The following DERA variants were observed in gnomAD, a reference collection of about 807,000 sequenced individuals.
DERA encodes deoxyribose-phosphate aldolase, also known as 2-deoxy-D-ribose 5-phosphate aldolase.
Under a neutral mutation model 41.1 loss-of-function variants are expected in DERA, and 15 were observed. The observed-to-expected ratio is 0.37, with a 90% CI of 0.24 to 0.56. The LOEUF (loss-of-function observed/expected upper bound fraction) is 0.56. Among genes scored for constraint, DERA ranks in the 20% least tolerant of loss-of-function variants. The probability of loss-of-function intolerance (pLI) is 0.81; values close to 1 mark genes in which losing one functional copy is unlikely to be tolerated. For synonymous variants in DERA, 139 were observed against 137.4 expected (o/e 1.01, Z -0.08); for missense variants, 396 against 403.4 (o/e 0.98, Z 0.16).
chr12:15,965,634 G>C lies in DERA; in HGVS notation c.508+2687G>C, dbSNP rs941029746. 6.6e-6 allele frequency among the ~76,000 whole-genome samples: 1 copy of C among 152,066 alleles called. No homozygotes were observed. Among genetic ancestry groups the C allele is most frequent in the Non-Finnish European group, 1.5e-5 (1 of 68,022 alleles). On this transcript the variant is annotated intron_variant, in intron 5 of 8. Transcript: ENST00000428559. This position sits in a 1 kb window ranked among gnomAD's most constrained non-coding sequence, Gnocchi z 4.1. Reference sequence around the variant, plus strand: ...AGACTGGAGTTTGGGGGTGGGGGAGGTTTGATATTCCTCTCTGGGTTCTCC... The same window carrying C: ...AGACTGGAGTTTGGGGGTGGGGGAGCTTTGATATTCCTCTCTGGGTTCTCC...
chr12:15,962,916 C>G lies in DERA; in HGVS notation c.477C>G (p.Asn159Lys). Residue 159 changes from asparagine to lysine, a missense_variant, in exon 5 of 9, where the codon AAC (asparagine) becomes AAG (lysine). Transcript: ENST00000428559. ...DGATEIDVVI[N>K]RSLVLTGQWE... ...CTACAGAAATCGACGTGGTAATTAA[C>G]AGAAGCTTGGTGCTGACAGGCCAGT... is the stretch of plus-strand genomic sequence containing the variant. 2 of 1,604,678 alleles carry G rather than the reference C, an allele frequency of 1.2e-6. No individual in the cohort carries two copies. The highest frequency in any genetic ancestry group is 1.7e-6 in the Non-Finnish European group (2 of 1,175,544).
chr12:16,032,499 A>G, intron 6 of DERA, 43 bp from the exon 7 acceptor site: 3 of 1,147,290 alleles, frequency 2.6e-6, no homozygotes, highest in Non-Finnish European at 3.6e-6. Context: ...GTGTAAAAAA[A>G]GAATCTTTAA....
In DERA at chr12:15,967,689, G is replaced by A. The variant is rs1270772172; in HGVS notation, c.508+4742G>A. On this transcript the variant is annotated intron_variant, in intron 5 of 8. Transcript: ENST00000428559. This position sits in a 1 kb window ranked among gnomAD's most constrained non-coding sequence, Gnocchi z 4.9. ...ACTGTTTTTTTGCCTACTCCTTAGT[G>A]GTTAAGCTTTTTACTGTCAGATCAT... 6.6e-6 allele frequency among the ~76,000 whole-genome samples: 1 copy of A among 152,088 alleles called. No individual in the cohort carries two copies. The highest frequency in any genetic ancestry group is 2.4e-5 in the African/African-American group (1 of 41,394).
chr12:16,000,971 T>C lies in DERA; in HGVS notation c.637+18535T>C, dbSNP rs1010933933. On this transcript the variant is annotated intron_variant, in intron 6 of 8. Coordinates refer to ENST00000428559, the MANE Select transcript of DERA (RefSeq NM_015954.4). The surrounding 1 kb of genome is among the most constrained non-coding windows in gnomAD (Gnocchi z 4.8). Reference sequence around the variant, plus strand: ...AGTATTACAATGCCATTCAAAAATATAAAATAAAAATCCTTAAAAGTGCTC... The same window carrying C: ...AGTATTACAATGCCATTCAAAAATACAAAATAAAAATCCTTAAAAGTGCTC... 3.9e-5 allele frequency among the ~76,000 whole-genome samples: 6 copies of C among 152,194 alleles called. No individual in the cohort carries two copies. The highest frequency in any genetic ancestry group is 1.4e-4 in the African/African-American group (6 of 41,454).
At chr12:16,028,740 T>G (rs1312415939) in intron 6 of DERA, among the ~76,000 whole-genome samples, 1 of 152,226 alleles carries the variant, frequency 6.6e-6, no homozygotes, top group East Asian at 1.9e-4. Context: ...ACCAAACCTA[T>G]AACCTCAGTC....
At chr12:15,979,332 C>G (rs1948718265) in intron 5 of DERA, among the ~76,000 whole-genome samples, 1 of 152,222 alleles carries the variant, frequency 6.6e-6, no homozygotes, top group African/African-American at 2.4e-5. Flanking sequence ...AGGTACCACA[C>G]TGTTGGCTGG....
At position 16,013,003 on chromosome 12, in the gene DERA, T is replaced by C. The variant is rs1457436417; in HGVS notation, c.638-19539T>C. ...ATTTCAAGTGCTCAGTAGCTACATA[T>C]GGTGTGTAACTATCATATTGGACTA... On this transcript the variant is annotated intron_variant, in intron 6 of 8. Coordinates refer to ENST00000428559, the MANE Select transcript of DERA (RefSeq NM_015954.4). This position sits in a 1 kb window ranked among gnomAD's most constrained non-coding sequence, Gnocchi z 5.8. Among the ~76,000 whole-genome samples, 4 of 152,288 alleles carry C rather than the reference T, an allele frequency of 2.6e-5. No homozygotes were observed. In the East Asian group the frequency reaches 5.8e-4, roughly 22 times the overall value.
chr12:15,945,992 G>T (rs575937864), intron 1 of DERA, among the ~76,000 whole-genome samples: 4 of 152,246 alleles, frequency 2.6e-5, no homozygotes, highest in Admixed American at 2.0e-4. Flanking sequence ...AGATAATGTG[G>T]TTTTTGTCTT....
chr12:16,002,787 C>T (rs1349203648), intron 6 of DERA, among the ~76,000 whole-genome samples: 2 of 152,104 alleles, frequency 1.3e-5, no homozygotes, highest in East Asian at 3.9e-4. Flanking sequence ...CTTCTCTTCC[C>T]CTAAAAATGT....
intron 4 of DERA, among the ~76,000 whole-genome samples, chr12:15,960,663 A>C (rs999160809): frequency 3.4e-5 from 5 of 149,002 alleles, no homozygotes; most frequent in African/African-American, 7.4e-5. Context: ...AAAAAAAAAA[A>C]CAACGATATG....
intron 6 of DERA, among the ~76,000 whole-genome samples, chr12:15,997,901 A>C (rs918888765): frequency 5.3e-5 from 8 of 152,220 alleles, no homozygotes; most frequent in African/African-American, 1.9e-4. Context: ...TCGAAAGTGA[A>C]CTCAGAGAAA....
rs1949130239 is a variant in DERA at position 16,036,536 on chromosome 12, G to A, written c.901-154G>A. 6.6e-6 allele frequency among the ~76,000 whole-genome samples: 1 copy of A among 152,328 alleles called. No individual in the cohort carries two copies. Among genetic ancestry groups the A allele is most frequent in the East Asian group, 1.9e-4 (1 of 5,186 alleles). On this transcript the variant is annotated intron_variant, in intron 8 of 8. Coordinates refer to ENST00000428559, the MANE Select transcript of DERA (RefSeq NM_015954.4). The surrounding 1 kb of genome is among the most constrained non-coding windows in gnomAD (Gnocchi z 4.9). The stretch of plus-strand genomic sequence containing the variant: ...TCTTCCAAGCAAACCGCCATCAGAA[G>A]TGAGTAGGGTGGAGATTCTGCTGAA...
chr12:16,032,688 A>G (rs745333241), intron 7 of DERA, 34 bp downstream of exon 7: 7 of 1,309,480 alleles, frequency 5.3e-6, no homozygotes, highest in Non-Finnish European at 7.5e-6. Flanking sequence ...TCTTCAGAGT[A>G]AAGATAATGT....
At chr12:15,955,372 G>A (rs1260425448) in intron 1 of DERA, among the ~76,000 whole-genome samples, 2 of 151,966 alleles carry the variant, frequency 1.3e-5, no homozygotes, top group Non-Finnish European at 2.9e-5. Context: ...TTGGGACGAA[G>A]TCTAGAGTGT....
intron 6 of DERA, among the ~76,000 whole-genome samples, chr12:16,022,291 C>T (rs570880295): frequency 3.3e-5 from 5 of 152,312 alleles, no homozygotes; most frequent in African/African-American, 1.2e-4. Flanking sequence ...TGTGCTCCCT[C>T]TTTGCCTTCT....
Position 15,940,179 on chromosome 12 carries a change from A to G in DERA, c.32-16757A>G, listed in dbSNP as rs889561252. 6.6e-6 allele frequency among the ~76,000 whole-genome samples: 1 copy of G among 152,162 alleles called. No homozygotes were observed. The highest frequency in any genetic ancestry group is 2.4e-5 in the African/African-American group (1 of 41,434). ...ATGTCAGTTATTTTATCTTCAGCAA[A>G]ATAGACTTCCGGTTTTTTTATTTGA... On this transcript the variant is annotated intron_variant, in intron 1 of 8. Transcript: ENST00000428559. This position sits in a 1 kb window ranked among gnomAD's most constrained non-coding sequence, Gnocchi z 5.1.
intron 1 of DERA, among the ~76,000 whole-genome samples, chr12:15,946,319 G>A (rs1948448324): frequency 6.6e-6 from 1 of 152,146 alleles, no homozygotes; most frequent in Admixed American, 6.5e-5. Context: ...GCTCCTCCTT[G>A]TACCTCTGGT....
Position 15,972,647 on chromosome 12 carries a change from C to T in DERA, c.509-9661C>T. The T allele has an allele frequency of 5.7e-6, 1 of 176,172 alleles. No homozygotes were observed. The highest frequency in any genetic ancestry group is 1.2e-5 in the Non-Finnish European group (1 of 81,176). 10.9% of individuals were successfully genotyped at this position (176,172 alleles called of 1,614,324 possible). On this transcript the variant is annotated intron_variant, in intron 5 of 8. Coordinates refer to ENST00000428559, the MANE Select transcript of DERA (RefSeq NM_015954.4). This position sits in a 1 kb window ranked among gnomAD's most constrained non-coding sequence, Gnocchi z 4.4. The stretch of plus-strand genomic sequence containing the variant: ...GCAGAAGTCGGGGACCTCCAGCGTG[C>T]ACCCAGAGAGGGAACGATGTATGTG...
In DERA at chr12:15,999,443, C is replaced by T. The variant is rs1374446662; in HGVS notation, c.637+17007C>T. On this transcript the variant is annotated intron_variant, in intron 6 of 8. Coordinates refer to ENST00000428559, the MANE Select transcript of DERA (RefSeq NM_015954.4). This position sits in a 1 kb window ranked among gnomAD's most constrained non-coding sequence, Gnocchi z 5.3. ...GTGGGGACACGTTTTCCAAGCACTT[C>T]AGGAACACAGCTGACCTTCTCTGGA... Among the ~76,000 whole-genome samples the T allele has an allele frequency of 6.6e-6, 1 of 152,174 alleles. No homozygotes were observed. Among genetic ancestry groups the T allele is most frequent in the Non-Finnish European group, 1.5e-5 (1 of 68,038 alleles).
Sources: gnomAD v4.1 joint callset for allele counts (sites outside exome capture counted in the v4.1 genomes callset) on GRCh38, gnomAD v4.1.1 for gene constraint, Gnocchi (gnomAD v3.1) non-coding constraint, MANE v1.5 for transcripts, NCBI Gene and HGNC (gene_info 2026-07-23, HGNC 2026-07-21) for gene names.